CSGALNACT1: variants seen among roughly 807,000 people sequenced by gnomAD.
The protein encoded by CSGALNACT1 is chondroitin sulfate N-acetylgalactosaminyltransferase 1.
CSGALNACT1 carries 52 observed loss-of-function variants against 51.0 expected under a neutral mutation model. That is an observed-to-expected ratio of 1.02 (90% CI 0.82 to 1.29). The LOEUF (loss-of-function observed/expected upper bound fraction) is 1.29. Among genes scored for constraint, CSGALNACT1 ranks in the 50% most tolerant of loss-of-function variants. CSGALNACT1 has a pLI of 0.00. For missense variants in CSGALNACT1, 935 were observed against 679.2 expected (o/e 1.38, Z -4.19); for synonymous variants, 341 against 254.4 (o/e 1.34, Z -3.24).
chr8:19,720,786 T>C (rs1414033474), intron 1 of CSGALNACT1, among the ~76,000 whole-genome samples: 1 of 152,214 alleles, frequency 6.6e-6, no homozygotes, highest in Non-Finnish European at 1.5e-5. Flanking sequence ...TGCCCAAGAA[T>C]GTCCTGGCCA....
intron 1 of CSGALNACT1, among the ~76,000 whole-genome samples, chr8:19,690,185 CAATT>C (rs1442841048): frequency 1.3e-5 from 2 of 152,296 alleles, no homozygotes; most frequent in Non-Finnish European, 1.5e-5. Context: ...ATTGAGTGGA[CAATT>C]AATACATGAA....
At chr8:19,723,324 G>A (rs949466611) in intron 1 of CSGALNACT1, among the ~76,000 whole-genome samples, 9 of 152,328 alleles carry the variant, frequency 5.9e-5, no homozygotes, top group Non-Finnish European at 1.0e-4. Flanking sequence ...AAAGACAAGT[G>A]GGCCGTAATA....
At chr8:19,674,507 G>T (rs1018564212) in intron 1 of CSGALNACT1, among the ~76,000 whole-genome samples, 1 of 152,120 alleles carries the variant, frequency 6.6e-6, no homozygotes, top group Non-Finnish European at 1.5e-5. Context: ...GCAGAAGCTG[G>T]GTGTTTAGAG....
chr8:19,547,906 T>C (rs749057439), intron 3 of CSGALNACT1, among the ~76,000 whole-genome samples: 4 of 152,168 alleles, frequency 2.6e-5, no homozygotes. Flanking sequence ...TTTGGGTGTG[T>C]TGCCAGGGGG....
chr8:19,570,534 C>A (rs987403209), intron 3 of CSGALNACT1, among the ~76,000 whole-genome samples: 2 of 152,102 alleles, frequency 1.3e-5, no homozygotes, highest in Non-Finnish European at 2.9e-5. Flanking sequence ...AGGAGTGGTA[C>A]CTCTGACTCC....
intron 1 of CSGALNACT1, among the ~76,000 whole-genome samples, chr8:19,719,544 T>C (rs941821899): frequency 6.6e-6 from 1 of 152,170 alleles, no homozygotes; most frequent in Non-Finnish European, 1.5e-5. Flanking sequence ...AACAAGACAA[T>C]GGATGCCAGG....
chr8:19,545,250 A>T (rs1039226933), intron 3 of CSGALNACT1, among the ~76,000 whole-genome samples: 2 of 152,228 alleles, frequency 1.3e-5, no homozygotes, highest in African/African-American at 4.8e-5. Flanking sequence ...TACTGTAGTG[A>T]AATGAGGATG....
intron 5 of CSGALNACT1, chr8:19,457,579 C>G (rs888277828): frequency 1.0e-6 from 1 of 968,998 alleles, no homozygotes. Flanking sequence ...TGCCACTGCA[C>G]TCCAGCCTGG....
intron 1 of CSGALNACT1, among the ~76,000 whole-genome samples, chr8:19,704,205 A>G (rs1199708397): frequency 3.3e-5 from 5 of 152,210 alleles, no homozygotes; most frequent in African/African-American, 4.8e-5. Context: ...AAAACAAGGC[A>G]CTAAACGAAT....
intron 1 of CSGALNACT1, among the ~76,000 whole-genome samples, chr8:19,749,165 C>T (rs1289131790): frequency 6.6e-6 from 1 of 151,130 alleles, no homozygotes; most frequent in Admixed American, 6.6e-5. Context: ...TTTGAACTAA[C>T]TTGGGTTTCA....
chr8:19,450,362 T>C (rs1239653137), intron 5 of CSGALNACT1, among the ~76,000 whole-genome samples: 1 of 151,636 alleles, frequency 6.6e-6, no homozygotes, highest in African/African-American at 2.4e-5. Context: ...AGCCAATATG[T>C]GACTGGACAA....
intron 3 of CSGALNACT1, among the ~76,000 whole-genome samples, chr8:19,559,521 A>G (rs1217059016): frequency 6.6e-6 from 1 of 152,236 alleles, no homozygotes; most frequent in African/African-American, 2.4e-5. Context: ...AGGATTGGAA[A>G]GGAAGAAACA....
intron 8 of CSGALNACT1, among the ~76,000 whole-genome samples, chr8:19,416,844 A>G (rs547280114): frequency 1.3e-5 from 2 of 149,920 alleles, no homozygotes; most frequent in African/African-American, 4.9e-5. Context: ...TAAGTAACAC[A>G]TGACTATAGA....
At chr8:19,502,420 C>T (rs1185105130) in intron 4 of CSGALNACT1, among the ~76,000 whole-genome samples, 1 of 152,176 alleles carries the variant, frequency 6.6e-6, no homozygotes, top group Non-Finnish European at 1.5e-5. Context: ...GTGATCATGC[C>T]ACTTCTCTCA....
chr8:19,667,040 GAAGAAAGAAAGAAAGA>G (rs1177939899), intron 1 of CSGALNACT1, among the ~76,000 whole-genome samples: 1 of 34,964 alleles, frequency 2.9e-5, no homozygotes, highest in Non-Finnish European at 5.3e-5. Flanking sequence ...AGGAAGGAAG[GAAGAAAGAAAGAAAGA>G]AAGAAAGAAA....
chr8:19,728,658 A>T (rs2063531819), intron 1 of CSGALNACT1, among the ~76,000 whole-genome samples: 1 of 152,218 alleles, frequency 6.6e-6, no homozygotes. Flanking sequence ...ATGCAGTTGT[A>T]GGAATAAAGT....
chr8:19,514,637 A>G (rs1165897743), intron 3 of CSGALNACT1, among the ~76,000 whole-genome samples: 2 of 148,494 alleles, frequency 1.3e-5, no homozygotes, highest in Non-Finnish European at 3.0e-5. Context: ...ACTGGCCAAC[A>G]TGGTGAAACC....
chr8:19,468,031 T>G (rs2067124355), intron 4 of CSGALNACT1, among the ~76,000 whole-genome samples: 2 of 152,174 alleles, frequency 1.3e-5, no homozygotes, highest in Non-Finnish European at 2.9e-5. Flanking sequence ...TCACTGTGCT[T>G]TCAGGATTCA....
At chr8:19,509,414 G>C (rs1459901940) in intron 3 of CSGALNACT1, among the ~76,000 whole-genome samples, 1 of 151,978 alleles carries the variant, frequency 6.6e-6, no homozygotes, top group Non-Finnish European at 1.5e-5. Flanking sequence ...AAGGTCAGGA[G>C]TTCAAGACCA....
Sources: allele counts gnomAD v4.1 joint callset (sites outside exome capture counted in the v4.1 genomes callset), GRCh38; gene constraint gnomAD v4.1.1; transcripts MANE v1.5; gene names NCBI Gene and HGNC (gene_info 2026-07-23, HGNC 2026-07-21).